Variants in USP53 observed in about 807,000 individuals in gnomAD.
USP53 encodes ubiquitin carboxyl-terminal hydrolase 53.
In USP53, 71 loss-of-function variants were observed where a neutral mutation model predicts 94.9. The ratio of observed to expected loss-of-function variants is 0.75; its 90% confidence interval spans 0.62 to 0.91. The LOEUF (loss-of-function observed/expected upper bound fraction) is 0.91, where lower values mean the gene tolerates loss of function less well. Ranked by LOEUF, USP53 falls within the 40% of genes least tolerant of loss-of-function variation. USP53 has a pLI of 0.00. For missense variants in USP53, 1,173 were observed against 1,281.0 expected (o/e 0.92, Z 1.29); for synonymous variants, 375 against 422.7 (o/e 0.89, Z 1.39).
intron 17 of USP53, among the ~76,000 whole-genome samples, chr4:119,287,627 T>A (rs575213205): frequency 6.6e-6 from 1 of 152,136 alleles, no homozygotes; most frequent in African/African-American, 2.4e-5. Flanking sequence ...ATGAACATGA[T>A]GAAAATGTCA....
rs1390146240 is a variant in USP53, at chr4:119,267,468, T to C, written c.1121T>C (p.Val374Ala). The C allele has an allele frequency of 6.2e-7, 1 of 1,605,894 alleles. No homozygotes were observed. Among genetic ancestry groups the C allele is most frequent in the South Asian group, 1.1e-5 (1 of 88,528 alleles). The change falls in exon 13 of 19, where the codon GTT becomes GCT. Residue 374 changes from valine to alanine, a missense_variant. Transcript: ENST00000692078. ...ATCAGCTGGTCACATTACAAATCTG[T>C]TGCAGAAAATATGGGTAATTCTTTC... ...QVISWSHYKS[V>A]AENMGCEKPV... is the part of the protein sequence containing the mutation.
At position 119,292,628 on chromosome 4, in the gene USP53, T is replaced by C; in HGVS notation, c.2639T>C (p.Ile880Thr). 1 of 1,614,092 alleles carries C rather than the reference T, an allele frequency of 6.2e-7. No homozygotes were observed. Among genetic ancestry groups the C allele is most frequent in the Non-Finnish European group, 8.5e-7 (1 of 1,179,960 alleles). Residue 880 changes from isoleucine to threonine, a missense_variant, in exon 19 of 19, where the codon ATC becomes ACC. Physicochemically the swap from Ile to Thr is moderately conservative, Grantham distance 89 (BLOSUM62 -1). Coordinates refer to ENST00000692078, the MANE Select transcript of USP53 (RefSeq NM_001371395.1). ...VGLKPETAPL[I>T]QQQNIMDQCY... ...TTAAAGCCAGAAACTGCTCCTCTCA[T>C]CCAGCAACAAAATATCATGGATCAA...
At chr4:119,242,001 C>T (rs993280960) in intron 5 of USP53, among the ~76,000 whole-genome samples, 1 of 152,102 alleles carries the variant, frequency 6.6e-6, no homozygotes, top group Non-Finnish European at 1.5e-5. Context: ...TGCTATTAAT[C>T]CCATCCAGTG....
intron 9 of USP53, among the ~76,000 whole-genome samples, chr4:119,259,305 G>A (rs1332080468): frequency 6.6e-6 from 1 of 150,448 alleles, no homozygotes; most frequent in Non-Finnish European, 1.5e-5. Context: ...AGGGGGGGGA[G>A]TAATATTCAA....
chr4:119,234,120 A>G lies in USP53; in HGVS notation c.-664-1170A>G, dbSNP rs143683546. Among the ~76,000 whole-genome samples, 779 of 152,274 alleles carry G rather than the reference A, an allele frequency of 5.1e-3. 1 individual carries two copies. Among genetic ancestry groups the G allele is most frequent in the Admixed American group, 0.01 (157 of 15,288 alleles). On this transcript the variant is annotated intron_variant, in intron 3 of 18. Coordinates refer to ENST00000692078, the MANE Select transcript of USP53 (RefSeq NM_001371395.1). ...CTGTTTGTGCTCTGGTGCTTTCCTG[A>G]TATAATAATCTCCTGTACTCTTCAG...
chr4:119,223,729 T>C lies in USP53; in HGVS notation c.-665+6056T>C, dbSNP rs540580274. Among the ~76,000 whole-genome samples, 4 of 152,354 alleles carry C rather than the reference T, an allele frequency of 2.6e-5. No homozygotes were observed. In the South Asian group the frequency reaches 8.3e-4, roughly 32 times the overall value. ...TCATCATAGGTGGTTTGGTTAGAAGTAAAAGTGTTAAATTGGCCTTTAAGG... is the reference window on the plus strand; with the variant it reads ...TCATCATAGGTGGTTTGGTTAGAAGCAAAAGTGTTAAATTGGCCTTTAAGG... On this transcript the variant is annotated intron_variant, in intron 3 of 18. Coordinates refer to ENST00000692078, the MANE Select transcript of USP53 (RefSeq NM_001371395.1).
At chr4:119,267,556 A>G (rs1178569366) in intron 13 of USP53, 74 bp downstream of exon 13, 2 of 1,405,214 alleles carry the variant, frequency 1.4e-6, no homozygotes, top group Non-Finnish European at 1.9e-6. Context: ...TACTCTGAAT[A>G]TAAAATGAAT....
chr4:119,236,262 C>T (rs1172425814), intron 4 of USP53, among the ~76,000 whole-genome samples: 3 of 152,152 alleles, frequency 2.0e-5, no homozygotes, highest in Non-Finnish European at 4.4e-5. Context: ...ATGTATATAT[C>T]TTATTTAAAA....
In USP53 at chr4:119,271,439, G is replaced by C. The variant is rs1432513274; in HGVS notation, c.1579G>C (p.Ala527Pro). ...TGACCGAGTTGTACCTCAGAGTCGA[G>C]CTTCTGCACAAATAATAAGTTCAAG... is the stretch of plus-strand genomic sequence containing the variant. Reference protein sequence around the residue: ...KHDRVVPQSRASAQIISSSKS... With the variant: ...KHDRVVPQSRPSAQIISSSKS... Residue 527 changes from alanine to proline, a missense_variant, in exon 16 of 19, where the codon GCT becomes CCT. Ala to Pro is a conservative substitution (Grantham distance 27, BLOSUM62 -1). Coordinates refer to ENST00000692078, the MANE Select transcript of USP53 (RefSeq NM_001371395.1). 1 of 1,613,810 alleles carries C rather than the reference G, an allele frequency of 6.2e-7. No homozygotes were observed. Among genetic ancestry groups the C allele is most frequent in the Non-Finnish European group, 8.5e-7 (1 of 1,180,028 alleles).
chr4:119,267,187 T>C, intron 12 of USP53, 133 bp from the exon 13 acceptor site: 2 of 665,938 alleles, frequency 3.0e-6, no homozygotes, highest in Non-Finnish European at 4.8e-6. Flanking sequence ...AATTATATGA[T>C]ACATACTTGA....
At chr4:119,254,326 G>C (rs2149366890) in intron 7 of USP53, among the ~76,000 whole-genome samples, 1 of 152,218 alleles carries the variant, frequency 6.6e-6, no homozygotes, top group African/African-American at 2.4e-5. Context: ...TTCTAACTTG[G>C]TTCCATTCTC....
intron 3 of USP53, among the ~76,000 whole-genome samples, chr4:119,226,499 C>G (rs539288366): frequency 4.3e-4 from 65 of 152,144 alleles, no homozygotes; most frequent in Admixed American, 6.5e-4. Context: ...AAATTGAAAA[C>G]ATCATTTACT....
rs1190560452 is a variant in USP53, at chr4:119,239,738, A to C, written c.-22A>C. 3.8e-6 allele frequency: 6 copies of C among 1,597,796 alleles called. No homozygotes were observed. Among genetic ancestry groups the C allele is most frequent in the East Asian group, 4.5e-5 (2 of 44,684 alleles). On this transcript the variant is annotated 5_prime_UTR_variant, in exon 5 of 19. An upstream start codon of the reference 5' UTR is lost. Coordinates refer to ENST00000692078, the MANE Select transcript of USP53 (RefSeq NM_001371395.1). ...TAAAAGTGTACAGTTTTTAGCCTAA[A>C]TGCAAACAAAGTTGCTTGAAAATGG... is the stretch of plus-strand genomic sequence containing the variant.
intron 2 of USP53, among the ~76,000 whole-genome samples, chr4:119,216,785 A>C (rs2149254375): frequency 6.6e-6 from 1 of 152,374 alleles, no homozygotes; most frequent in Middle Eastern, 3.4e-3. Context: ...ATTAATCTGA[A>C]TTAAAGCAAT....
intron 15 of USP53, 140 bp downstream of exon 15, chr4:119,269,977 T>C: frequency 4.2e-6 from 1 of 236,902 alleles, no homozygotes; most frequent in Non-Finnish European, 7.7e-6. Context: ...TAAATATATA[T>C]ACCTATATCT....
chr4:119,250,906 A>ATT lies in USP53; in HGVS notation c.372+2034_372+2035dup, dbSNP rs11423914. ...AGACTACCTAGATGATTCAAGTAGG[A>ATT]TTTTTTTTTTTAATTATACTTTAAG... On this transcript the variant is annotated intron_variant, in intron 7 of 18. Coordinates refer to ENST00000692078, the MANE Select transcript of USP53 (RefSeq NM_001371395.1). Among the ~76,000 whole-genome samples the ATT allele has an allele frequency of 7.0e-3, 1,040 of 149,596 alleles. 6 individuals carry two copies. Among genetic ancestry groups the ATT allele is most frequent in the Non-Finnish European group, 0.012 (823 of 67,218 alleles).
intron 6 of USP53, among the ~76,000 whole-genome samples, chr4:119,248,258 G>A (rs1748512754): frequency 6.6e-6 from 1 of 151,982 alleles, no homozygotes; most frequent in Non-Finnish European, 1.5e-5. Flanking sequence ...TACAGGTTGG[G>A]TATCTCTTGT....
intron 3 of USP53, among the ~76,000 whole-genome samples, chr4:119,228,560 G>C (rs1553964313): frequency 6.6e-6 from 1 of 152,174 alleles, no homozygotes; most frequent in Non-Finnish European, 1.5e-5. Flanking sequence ...GGGGATGGGG[G>C]TGTGGGTGCA....
In USP53 at chr4:119,293,118, C is replaced by T; in HGVS notation, c.3129C>T (p.Ser1043=). ...TAACTACCTATTTTTCAGTTGATAG[C>T]TGCATGACGGATACATATAGATTGA... is the stretch of plus-strand genomic sequence containing the variant. The part of the protein sequence containing the change: ...VSLTTYFSVD[S]CMTDTYRLKY... Residue 1043 remains serine, a synonymous_variant, in exon 19 of 19, where the codon AGC becomes AGT. Coordinates refer to ENST00000692078, the MANE Select transcript of USP53 (RefSeq NM_001371395.1). 1 of 1,613,904 alleles carries T rather than the reference C, an allele frequency of 6.2e-7. No homozygotes were observed. Among genetic ancestry groups the T allele is most frequent in the East Asian group, 2.2e-5 (1 of 44,872 alleles).
Sources: gnomAD v4.1 joint callset for allele counts (sites outside exome capture counted in the v4.1 genomes callset) on GRCh38, gnomAD v4.1.1 for gene constraint, MANE v1.5 for transcripts, NCBI Gene and HGNC (gene_info 2026-07-23, HGNC 2026-07-21) for gene names.